Variants in SIPA1L1 observed in about 807,000 individuals in gnomAD.
SIPA1L1 encodes the protein signal-induced proliferation-associated 1-like protein 1.
In SIPA1L1, 26 loss-of-function variants were observed where a neutral mutation model predicts 162.7. The observed-to-expected ratio is 0.16, with a 90% CI of 0.12 to 0.22. The LOEUF is 0.22. Among genes scored for constraint, SIPA1L1 ranks in the 10% least tolerant of loss-of-function variants. SIPA1L1 has a pLI of 1.00. For missense variants in SIPA1L1, 1,874 were observed against 2,241.0 expected (o/e 0.84, Z 3.31); for synonymous variants, 829 against 837.4 (o/e 0.99, Z 0.17).
rs946672289 is a variant in SIPA1L1 at position 71,407,120 on chromosome 14, G to A, written c.-465+85939G>A. On this transcript the variant is annotated intron_variant, in intron 2 of 23. Coordinates refer to ENST00000381232, the MANE Select transcript of SIPA1L1 (RefSeq NM_001386936.1). ...TGGCTGGGTGTGGTGGCGCATGCCT[G>A]TAATCCCAGCTACTCGGGTGGCTGA... Among the ~76,000 whole-genome samples, 3 of 152,168 alleles carry A rather than the reference G, an allele frequency of 2.0e-5. No homozygotes were observed. The South Asian group carries it at 6.2e-4, about 32-fold the overall frequency.
At chr14:71,483,023 G>T (rs1371762957) in intron 2 of SIPA1L1, among the ~76,000 whole-genome samples, 1 of 152,164 alleles carries the variant, frequency 6.6e-6, no homozygotes, top group Non-Finnish European at 1.5e-5. Context: ...GCTAAGCACA[G>T]ATATGATCCT....
At chr14:71,369,643 G>A (rs1397829528) in intron 2 of SIPA1L1, among the ~76,000 whole-genome samples, 1 of 75,072 alleles carries the variant, frequency 1.3e-5, no homozygotes, top group Non-Finnish European at 2.6e-5. Flanking sequence ...TTGGCGATGC[G>A]GGCTCTTTTT....
intron 2 of SIPA1L1, among the ~76,000 whole-genome samples, chr14:71,379,899 A>G (rs1026173267): frequency 1.3e-5 from 2 of 152,216 alleles, no homozygotes; most frequent in African/African-American, 4.8e-5. Flanking sequence ...GGGGCTCACT[A>G]TCACATAAAA....
At chr14:71,365,218 T>C (rs2038174788) in intron 2 of SIPA1L1, among the ~76,000 whole-genome samples, 1 of 151,578 alleles carries the variant, frequency 6.6e-6, no homozygotes, top group Non-Finnish European at 1.5e-5. Context: ...TCTCACATGT[T>C]GCACAGGCTA....
intron 2 of SIPA1L1, among the ~76,000 whole-genome samples, chr14:71,485,255 A>G (rs1396042860): frequency 6.6e-6 from 1 of 152,224 alleles, no homozygotes; most frequent in East Asian, 1.9e-4. Flanking sequence ...GGGCAGTGGC[A>G]ACCAGATATT....
At chr14:71,442,685 T>C (rs1386174587) in intron 2 of SIPA1L1, among the ~76,000 whole-genome samples, 1 of 152,124 alleles carries the variant, frequency 6.6e-6, no homozygotes, top group Non-Finnish European at 1.5e-5. Flanking sequence ...CCCCACACTT[T>C]GGGAGGCTGA....
chr14:71,462,964 C>T (rs1377943887), intron 2 of SIPA1L1, among the ~76,000 whole-genome samples: 1 of 152,180 alleles, frequency 6.6e-6, no homozygotes. Context: ...TACCAGGTAC[C>T]AGGAGATATG....
At chr14:71,561,879 G>A (rs765621588) in intron 4 of SIPA1L1, among the ~76,000 whole-genome samples, 4 of 152,190 alleles carry the variant, frequency 2.6e-5, no homozygotes, top group Non-Finnish European at 5.9e-5. Flanking sequence ...GAGCCACCAT[G>A]CCCGGCCCAG....
In SIPA1L1 at chr14:71,338,814, A is replaced by G. The variant is rs1461418276; in HGVS notation, c.-465+17633A>G. 2.7e-5 allele frequency among the ~76,000 whole-genome samples: 4 copies of G among 150,694 alleles called. No individual in the cohort carries two copies. The East Asian group carries it at 7.8e-4, about 29-fold the overall frequency. ...GAGTGCAATGGTGTGATCTCGGCTCACTGCAACCTCCGCCTCCTGGGTTCA... is the reference window on the plus strand; with the variant it reads ...GAGTGCAATGGTGTGATCTCGGCTCGCTGCAACCTCCGCCTCCTGGGTTCA... On this transcript the variant is annotated intron_variant, in intron 2 of 23. Coordinates refer to ENST00000381232, the MANE Select transcript of SIPA1L1 (RefSeq NM_001386936.1).
At chr14:71,676,114 C>G (rs1415972950) in intron 12 of SIPA1L1, among the ~76,000 whole-genome samples, 2 of 146,050 alleles carry the variant, frequency 1.4e-5, no homozygotes, top group Non-Finnish European at 3.0e-5. Flanking sequence ...AAATGATTCA[C>G]CAGCCTTCTC....
chr14:71,628,842 C>T (rs1379749760), intron 7 of SIPA1L1, among the ~76,000 whole-genome samples: 3 of 152,076 alleles, frequency 2.0e-5, no homozygotes, highest in Admixed American at 6.6e-5. Context: ...ACAATAAGAA[C>T]GAGACTCGGA....
intron 7 of SIPA1L1, among the ~76,000 whole-genome samples, chr14:71,637,969 G>A (rs2041332865): frequency 6.6e-6 from 1 of 152,072 alleles, no homozygotes. Flanking sequence ...TTGACAAGAT[G>A]AAATGGGAGA....
At chr14:71,350,789 ATTAG>A (rs1032998659) in intron 2 of SIPA1L1, among the ~76,000 whole-genome samples, 6 of 152,180 alleles carry the variant, frequency 3.9e-5, no homozygotes, top group Admixed American at 2.6e-4. Flanking sequence ...TAAATAGGTT[ATTAG>A]TTAGGGGAAT....
chr14:71,703,087 A>G (rs1018497883), intron 15 of SIPA1L1, among the ~76,000 whole-genome samples: 1 of 152,178 alleles, frequency 6.6e-6, no homozygotes, highest in Non-Finnish European at 1.5e-5. Flanking sequence ...TTCTTTCTAT[A>G]TATATGTTGT....
chr14:71,635,271 C>T (rs2041024527), intron 7 of SIPA1L1, among the ~76,000 whole-genome samples: 1 of 152,140 alleles, frequency 6.6e-6, no homozygotes, highest in South Asian at 2.1e-4. Context: ...AAAAGCGAAA[C>T]TCCATCTCAA....
intron 2 of SIPA1L1, among the ~76,000 whole-genome samples, chr14:71,378,253 A>G (rs1156958247): frequency 6.7e-6 from 1 of 150,290 alleles, no homozygotes; most frequent in Non-Finnish European, 1.5e-5. Flanking sequence ...TCTTCTTTCT[A>G]TTTTGGGTTT....
chr14:71,572,232 T>C (rs1041161654), intron 4 of SIPA1L1, among the ~76,000 whole-genome samples: 2 of 152,214 alleles, frequency 1.3e-5, no homozygotes, highest in Non-Finnish European at 2.9e-5. Context: ...CACTCACCTC[T>C]TAAAGGCCTC....
At chr14:71,684,994 C>T (rs184013149) in intron 12 of SIPA1L1, among the ~76,000 whole-genome samples, 3 of 152,128 alleles carry the variant, frequency 2.0e-5, no homozygotes, top group East Asian at 1.9e-4. Context: ...TGTGTGAAGC[C>T]GCTTGCTTCC....
chr14:71,646,610 C>T (rs2042195869), intron 7 of SIPA1L1, among the ~76,000 whole-genome samples: 1 of 152,132 alleles, frequency 6.6e-6, no homozygotes, highest in African/African-American at 2.4e-5. Context: ...GATTTAAGAC[C>T]TTCATCTCAA....
Sources: gnomAD v4.1 joint callset for allele counts (sites outside exome capture counted in the v4.1 genomes callset) on GRCh38, gnomAD v4.1.1 for gene constraint, MANE v1.5 for transcripts, NCBI Gene and HGNC (gene_info 2026-07-23, HGNC 2026-07-21) for gene names.